Variants in PDE1C observed in about 807,000 individuals in gnomAD.
PDE1C encodes the protein dual specificity calcium/calmodulin-dependent 3',5'-cyclic nucleotide phosphodiesterase 1C.
A neutral mutation model predicts 93.1 loss-of-function variants in PDE1C; 62 were observed. The ratio of observed to expected loss-of-function variants is 0.67; its 90% CI spans 0.54 to 0.82. The LOEUF (loss-of-function observed/expected upper bound fraction) is 0.82, where lower values mean the gene tolerates loss of function less well. PDE1C is among the 40% of genes least tolerant of loss of function. The probability of loss-of-function intolerance (pLI) is 0.00; values close to 1 mark genes in which losing one functional copy is unlikely to be tolerated. For synonymous variants in PDE1C, 325 were observed against 310.1 expected (o/e 1.05, Z -0.50); for missense variants, 742 against 884.6 (o/e 0.84, Z 2.04).
At chr7:31,695,498 T>C in the PDE1C span, 7 of 1,613,054 alleles carry the variant, frequency 4.3e-6, no homozygotes, top group Non-Finnish European at 8.5e-7. Context: ...CATTAAGGAC[T>C]GTGATCTCAA....
chr7:31,844,420 A>G (rs1792290113), intron 9 of PDE1C, among the ~76,000 whole-genome samples: 1 of 151,824 alleles, frequency 6.6e-6, no homozygotes, highest in Non-Finnish European at 1.5e-5. Context: ...TCATGTTCAC[A>G]GGATGTAGCA....
At chr7:31,932,832 T>C (rs1165994397) in intron 2 of PDE1C, among the ~76,000 whole-genome samples, 4 of 152,072 alleles carry the variant, frequency 2.6e-5, no homozygotes, top group African/African-American at 7.2e-5. Flanking sequence ...CCATCAGTGA[T>C]AGACTAGATA....
chr7:32,290,034 A>C (rs1415477291), intron 1 of PDE1C, among the ~76,000 whole-genome samples: 1 of 152,124 alleles, frequency 6.6e-6, no homozygotes, highest in Non-Finnish European at 1.5e-5. Context: ...GTGAAAATCA[A>C]CTTCTAGCAA....
chr7:31,894,700 C>A (rs781015402), intron 2 of PDE1C, among the ~76,000 whole-genome samples: 1 of 152,190 alleles, frequency 6.6e-6, no homozygotes, highest in Non-Finnish European at 1.5e-5. Context: ...TGACTTCTGT[C>A]ACCTAAAACC....
At chr7:32,175,896 G>A (rs374523823) in intron 2 of PDE1C, among the ~76,000 whole-genome samples, 1 of 152,158 alleles carries the variant, frequency 6.6e-6, no homozygotes, top group South Asian at 2.1e-4. Flanking sequence ...CCCATGGAAT[G>A]CAATTAATTA....
At chr7:31,777,812 T>C (rs1479828201) in intron 16 of PDE1C, among the ~76,000 whole-genome samples, 2 of 152,196 alleles carry the variant, frequency 1.3e-5, no homozygotes, top group Non-Finnish European at 2.9e-5. Flanking sequence ...TTAATTTGTA[T>C]GAAGTGAAGG....
chr7:31,628,386 A>C, the PDE1C span, among the ~76,000 whole-genome samples: 2 of 152,052 alleles, frequency 1.3e-5, no homozygotes, highest in Admixed American at 6.5e-5. Flanking sequence ...ACTCTGATGG[A>C]GCCAGGAATC....
intron 2 of PDE1C, among the ~76,000 whole-genome samples, chr7:31,992,651 A>AT (rs1784276957): frequency 6.6e-6 from 1 of 152,248 alleles, no homozygotes; most frequent in African/African-American, 2.4e-5. Flanking sequence ...AAATGCAGTC[A>AT]TTGGGCAGAG....
At chr7:31,701,137 G>A in the PDE1C span, among the ~76,000 whole-genome samples, 9 of 152,142 alleles carry the variant, frequency 5.9e-5, 1 homozygote, top group East Asian at 1.7e-3. Context: ...GATGGATCTG[G>A]ACAAAGTAAA....
chr7:31,777,421 C>T (rs1028654676), intron 16 of PDE1C, among the ~76,000 whole-genome samples: 13 of 152,108 alleles, frequency 8.5e-5, no homozygotes, highest in Non-Finnish European at 1.6e-4. Context: ...CTCCGTCTCC[C>T]GGGTTCAAGC....
the PDE1C span, among the ~76,000 whole-genome samples, chr7:31,714,789 G>A: frequency 6.6e-6 from 1 of 152,090 alleles, no homozygotes; most frequent in Non-Finnish European, 1.5e-5. Context: ...AGAACAGCAT[G>A]GGAAAGACCT....
intron 1 of PDE1C, among the ~76,000 whole-genome samples, chr7:32,067,425 T>C (rs1795533403): frequency 6.6e-6 from 1 of 151,940 alleles, no homozygotes; most frequent in Admixed American, 6.6e-5. Flanking sequence ...ATTCGGATGG[T>C]GGGAAGTGCT....
intron 2 of PDE1C, among the ~76,000 whole-genome samples, chr7:31,962,150 C>T (rs1809087231): frequency 6.6e-6 from 1 of 152,212 alleles, no homozygotes; most frequent in South Asian, 2.1e-4. Flanking sequence ...TGAAGAAATA[C>T]TTTGTTCCCA....
the PDE1C span, among the ~76,000 whole-genome samples, chr7:31,685,061 C>T: frequency 6.7e-6 from 1 of 149,906 alleles, no homozygotes; most frequent in Non-Finnish European, 1.5e-5. Flanking sequence ...TCAGCAATGA[C>T]AAAGAACAAA....
chr7:31,618,263 C>T, the PDE1C span, among the ~76,000 whole-genome samples: 34 of 152,280 alleles, frequency 2.2e-4, no homozygotes, highest in Non-Finnish European at 4.4e-4. Context: ...TCACTTCTCC[C>T]TAAACAATAC....
intron 2 of PDE1C, among the ~76,000 whole-genome samples, chr7:31,893,908 C>T (rs17160652): frequency 0.26 from 39,375 of 151,952 alleles, 6,295 homozygotes; most frequent in African/African-American, 0.44. Context: ...GACTTCCTCG[C>T]TTAGCATTTC....
intron 2 of PDE1C, among the ~76,000 whole-genome samples, chr7:31,918,596 T>C (rs1802220949): frequency 6.6e-6 from 1 of 152,212 alleles, no homozygotes; most frequent in Non-Finnish European, 1.5e-5. Context: ...GCAGCACAAA[T>C]GAGCTTCCCT....
chr7:32,339,860 G>A (rs961687707), intron 1 of PDE1C, among the ~76,000 whole-genome samples: 11 of 152,122 alleles, frequency 7.2e-5, no homozygotes, highest in African/African-American at 1.4e-4. Context: ...GCCACCCTGC[G>A]GTGTAGGGTG....
intron 3 of PDE1C, among the ~76,000 whole-genome samples, chr7:32,130,865 A>G (rs1799877745): frequency 6.6e-6 from 1 of 152,124 alleles, no homozygotes; most frequent in South Asian, 2.1e-4. Context: ...GACAAAAAGT[A>G]TAAGAGCACC....
Sources: gnomAD v4.1 joint callset for allele counts (sites outside exome capture counted in the v4.1 genomes callset) on GRCh38, gnomAD v4.1.1 for gene constraint, MANE v1.5 for transcripts, NCBI Gene and HGNC (gene_info 2026-07-23, HGNC 2026-07-21) for gene names.